The following AEBP2 variants were observed in gnomAD, a reference collection of about 807,000 sequenced individuals.
AEBP2 encodes the protein zinc finger protein AEBP2.
Under a neutral mutation model 50.8 loss-of-function variants are expected in AEBP2, and 10 were observed. The observed-to-expected ratio is 0.20, with a 90% CI of 0.12 to 0.33. The LOEUF (loss-of-function observed/expected upper bound fraction) is 0.33, where lower values mean the gene tolerates loss of function less well. Ranked by LOEUF, AEBP2 falls within the 10% of genes least tolerant of loss-of-function variation. AEBP2 has a pLI of 1.00. For synonymous variants in AEBP2, 296 were observed against 261.3 expected (o/e 1.13, Z -1.28); for missense variants, 570 against 688.0 (o/e 0.83, Z 1.92).
At chr12:19,495,149 C>T (rs1163534355) in intron 4 of AEBP2, among the ~76,000 whole-genome samples, 2 of 151,952 alleles carry the variant, frequency 1.3e-5, no homozygotes, top group African/African-American at 2.4e-5. Context: ...TTGATCCACC[C>T]GCCTTGGCCT....
chr12:19,489,885 T>C (rs1948869493), intron 3 of AEBP2, among the ~76,000 whole-genome samples: 1 of 151,978 alleles, frequency 6.6e-6, no homozygotes, highest in Non-Finnish European at 1.5e-5. Flanking sequence ...TTTTTAATGA[T>C]TTTTGATTGA....
chr12:19,460,051 T>G (rs1948345008), intron 1 of AEBP2, among the ~76,000 whole-genome samples: 1 of 152,002 alleles, frequency 6.6e-6, no homozygotes, highest in African/African-American at 2.4e-5. Context: ...CTACAGAAAT[T>G]TAAAAAATTT....
At chr12:19,450,422 A>G (rs1948146740) in intron 1 of AEBP2, among the ~76,000 whole-genome samples, 1 of 150,778 alleles carries the variant, frequency 6.6e-6, no homozygotes, top group Non-Finnish European at 1.5e-5. Context: ...GTCTGCCTGA[A>G]TGGGTCAAAT....
chr12:19,462,800 A>T, intron 2 of AEBP2, 83 bp downstream of exon 2: 1 of 1,288,202 alleles, frequency 7.8e-7, no homozygotes, highest in Non-Finnish European at 1.1e-6. Flanking sequence ...TTTTTTGCTG[A>T]AAGTAATTTG....
intron 1 of AEBP2, chr12:19,457,447 C>G (rs774805680): frequency 1.5e-5 from 23 of 1,522,036 alleles, no homozygotes; most frequent in Non-Finnish European, 2.0e-5. Context: ...ATACCACGTT[C>G]ACGCTCAGCT....
At position 19,453,594 on chromosome 12, in the gene AEBP2, TTG is replaced by T. The variant is rs1474756951; in HGVS notation, c.672-8912_672-8911del. Reference sequence around the variant, plus strand: ...ACGCGACACCATGCCCAGCTAATTTTTGTGTTTTTATTAGAGATGGGGTTTTG... The same window carrying T: ...ACGCGACACCATGCCCAGCTAATTTTTGTTTTTATTAGAGATGGGGTTTTG... On this transcript the variant is annotated intron_variant, in intron 1 of 7. Coordinates refer to ENST00000266508, the MANE Select transcript of AEBP2 (RefSeq NM_153207.5). 9.2e-5 allele frequency among the ~76,000 whole-genome samples: 14 copies of T among 152,038 alleles called. No individual in the cohort carries two copies. In the East Asian group the frequency reaches 2.5e-3, roughly 28 times the overall value.
At chr12:19,455,938 A>G (rs1009972869) in intron 1 of AEBP2, among the ~76,000 whole-genome samples, 2 of 143,842 alleles carry the variant, frequency 1.4e-5, no homozygotes, top group South Asian at 4.3e-4. Context: ...TACTAGTCAA[A>G]GAGATCTTTT....
intron 1 of AEBP2, 171 bp downstream of exon 1, chr12:19,440,541 C>T (rs895817295): frequency 1.4e-6 from 2 of 1,380,164 alleles, no homozygotes; most frequent in Non-Finnish European, 1.9e-6. Context: ...GCCCCTCTCG[C>T]AGCGCATCGC....
In AEBP2 at chr12:19,520,679, C is replaced by A. The variant is rs1432500461; in HGVS notation, c.*2562C>A. The A allele has an allele frequency of 2.6e-4, 39 of 152,202 alleles. No individual in the cohort carries two copies. Among genetic ancestry groups the A allele is most frequent in the Admixed American group, 2.6e-3 (39 of 15,276 alleles). 9.4% of individuals were successfully genotyped at this position (152,202 alleles called of 1,614,324 possible). A position where few individuals can be genotyped will look rare whatever the true frequency, so the allele number is the denominator to read the frequency against. ...TCAGCATCAAGCAAACTACAGCTCA[C>A]AAGCATACCCATTTATATGTTGTCT... On this transcript the variant is annotated 3_prime_UTR_variant, in exon 8 of 8. Coordinates refer to ENST00000266508, the MANE Select transcript of AEBP2 (RefSeq NM_153207.5).
intron 5 of AEBP2, among the ~76,000 whole-genome samples, chr12:19,503,971 A>T (rs1949119205): frequency 6.6e-6 from 1 of 152,056 alleles, no homozygotes; most frequent in South Asian, 2.1e-4. Context: ...AGCTGGGACC[A>T]CAGGCATGAG....
intron 1 of AEBP2, among the ~76,000 whole-genome samples, chr12:19,421,902 C>T (rs1050118789): frequency 1.3e-5 from 2 of 152,172 alleles, no homozygotes; most frequent in African/African-American, 4.8e-5. Context: ...GTAATCCCAG[C>T]ACTTTGGGAG....
chr12:19,462,365 G>T, intron 1 of AEBP2, 145 bp from the exon 2 acceptor site: 2 of 658,640 alleles, frequency 3.0e-6, no homozygotes, highest in South Asian at 2.3e-5. Context: ...TAAAAGCATT[G>T]TTGTTTTCTC....
At chr12:19,461,338 C>T (rs12819707) in intron 1 of AEBP2, among the ~76,000 whole-genome samples, 14,097 of 152,034 alleles carry the variant, frequency 0.093, 713 homozygotes, top group Middle Eastern at 0.14. Flanking sequence ...AAAATGAAGG[C>T]GGAAGTGTGA....
intron 1 of AEBP2, among the ~76,000 whole-genome samples, chr12:19,424,484 C>T (rs1222212587): frequency 1.3e-5 from 2 of 151,858 alleles, no homozygotes; most frequent in African/African-American, 4.8e-5. Context: ...GCAAGCTCTG[C>T]CTCCCGGGTT....
At chr12:19,449,256 A>G (rs559623935) in intron 1 of AEBP2, among the ~76,000 whole-genome samples, 2 of 152,278 alleles carry the variant, frequency 1.3e-5, no homozygotes, top group South Asian at 4.1e-4. Flanking sequence ...TGTTCTTCAT[A>G]GTGGATTTCT....
intron 6 of AEBP2, 23 bp from the exon 7 acceptor site, chr12:19,514,648 T>C: frequency 6.6e-7 from 1 of 1,524,318 alleles, no homozygotes; most frequent in African/African-American, 1.4e-5. Context: ...TACTTTATTA[T>C]TGACTTGTTT....
chr12:19,441,467 C>G (rs1254180763), intron 1 of AEBP2, among the ~76,000 whole-genome samples: 1 of 152,058 alleles, frequency 6.6e-6, no homozygotes, highest in Non-Finnish European at 1.5e-5. Flanking sequence ...TAAACATGCT[C>G]TCCAGAAAAG....
chr12:19,506,051 A>G (rs1168814014), intron 5 of AEBP2, among the ~76,000 whole-genome samples: 1 of 151,802 alleles, frequency 6.6e-6, no homozygotes, highest in Non-Finnish European at 1.5e-5. Context: ...TTTGCCTCCC[A>G]GAGTGCTGGA....
intron 1 of AEBP2, 165 bp downstream of exon 1, chr12:19,440,535 C>G (rs1947935402): frequency 4.3e-6 from 6 of 1,386,294 alleles, no homozygotes; most frequent in Non-Finnish European, 5.6e-6. Context: ...CGCCGCGCCC[C>G]TCTCGCAGCG....
Sources: allele counts gnomAD v4.1 joint callset (sites outside exome capture counted in the v4.1 genomes callset), GRCh38; gene constraint gnomAD v4.1.1; transcripts MANE v1.5; gene names NCBI Gene and HGNC (gene_info 2026-07-23, HGNC 2026-07-21).